The following MTMR6 variants were observed in gnomAD, a reference collection of about 807,000 sequenced individuals.
MTMR6 encodes myotubularin related protein 6.
In MTMR6, 47 loss-of-function variants were observed where a neutral mutation model predicts 80.1. The ratio of observed to expected loss-of-function variants is 0.59; its 90% CI spans 0.46 to 0.75. The LOEUF (loss-of-function observed/expected upper bound fraction) is 0.75. Among genes scored for constraint, MTMR6 ranks in the 30% least tolerant of loss-of-function variants. MTMR6 has a pLI of 0.00. For missense variants in MTMR6, 629 were observed against 730.9 expected (o/e 0.86, Z 1.61); for synonymous variants, 254 against 253.0 (o/e 1.00, Z -0.04).
Position 25,246,590 on chromosome 13 carries a change from C to G in MTMR6, c.*2642G>C, listed in dbSNP as rs1956983844. 1.3e-5 allele frequency: 2 copies of G among 152,514 alleles called. No individual in the cohort carries two copies. Among genetic ancestry groups the G allele is most frequent in the African/African-American group, 4.8e-5 (2 of 41,392 alleles). The allele number at this position is 152,514 out of a possible 1,614,324, so 9.4% of individuals were successfully genotyped here. A position where few individuals can be genotyped will look rare whatever the true frequency, so the allele number is the denominator to read the frequency against. On this transcript the variant is annotated 3_prime_UTR_variant, in exon 14 of 14. Transcript: ENST00000381801. ...GTCATCACTTTCAATGGCAAAAGCC[C>G]CAATTACTTTTGCAGCAACTATATA...
intron 1 of MTMR6, 43 bp from the exon 2 acceptor site, chr13:25,274,230 TA>T: frequency 7.4e-7 from 1 of 1,356,824 alleles, no homozygotes; most frequent in Non-Finnish European, 1.0e-6. Context: ...AAAAGTAGTA[TA>T]AATTATTTTT....
chr13:25,280,488 T>C (rs1425705965), intron 1 of MTMR6, among the ~76,000 whole-genome samples: 1 of 152,244 alleles, frequency 6.6e-6, no homozygotes, highest in Non-Finnish European at 1.5e-5. Context: ...TCAAATGTTT[T>C]TCTTTGCTAA....
At chr13:25,277,046 C>T (rs56331645) in intron 1 of MTMR6, among the ~76,000 whole-genome samples, 5,241 of 152,268 alleles carry the variant, frequency 0.034, 316 homozygotes, top group African/African-American at 0.12. Flanking sequence ...ACTGCCTCCA[C>T]TTAGATGTGT....
intron 1 of MTMR6, among the ~76,000 whole-genome samples, chr13:25,286,734 G>A (rs780910417): frequency 5.3e-5 from 8 of 152,206 alleles, no homozygotes; most frequent in Non-Finnish European, 1.0e-4. Context: ...GACCGAGACA[G>A]CAAAGGGAGG....
chr13:25,252,467 T>C (rs1211023634), intron 11 of MTMR6, among the ~76,000 whole-genome samples: 2 of 152,236 alleles, frequency 1.3e-5, no homozygotes, highest in East Asian at 3.8e-4. Context: ...GCAAGAATTT[T>C]AAAAGCCAAT....
intron 5 of MTMR6, among the ~76,000 whole-genome samples, chr13:25,263,464 A>G (rs777248750): frequency 6.6e-6 from 1 of 152,216 alleles, no homozygotes; most frequent in Admixed American, 6.5e-5. Context: ...AGCATTAAGT[A>G]AAGTCTACAT....
At chr13:25,285,629 G>C (rs200973813) in intron 1 of MTMR6, among the ~76,000 whole-genome samples, 5 of 151,626 alleles carry the variant, frequency 3.3e-5, no homozygotes, top group African/African-American at 1.2e-4. Context: ...CCACTTCCCC[G>C]GTTGAAGCAA....
At chr13:25,258,204 AT>A (rs912306962) in intron 7 of MTMR6, among the ~76,000 whole-genome samples, 2 of 151,812 alleles carry the variant, frequency 1.3e-5, no homozygotes, top group African/African-American at 2.4e-5. Context: ...ATCTAATAAC[AT>A]TTTTTTTGCA....
intron 1 of MTMR6, among the ~76,000 whole-genome samples, chr13:25,277,839 CT>C (rs1019968649): frequency 2.0e-5 from 3 of 152,142 alleles, no homozygotes; most frequent in African/African-American, 7.2e-5. Flanking sequence ...TTCTTTCTGG[CT>C]GGGTCTCTTA....
chr13:25,251,969 A>T lies in MTMR6; in HGVS notation c.1362T>A (p.Thr454=). The T allele has an allele frequency of 2.5e-6, 4 of 1,611,682 alleles. No homozygotes were observed. Among genetic ancestry groups the T allele is most frequent in the Non-Finnish European group, 3.4e-6 (4 of 1,179,040 alleles). The change falls in exon 12 of 14, where the codon ACT becomes ACA. Residue 454 remains threonine, a synonymous_variant. Coordinates refer to ENST00000381801, the MANE Select transcript of MTMR6 (RefSeq NM_004685.5). The surrounding 1 kb of genome is among the most constrained non-coding windows in gnomAD (Gnocchi z 4.1). The part of the protein sequence containing the change: ...EREELKLKEK[T]YSLWPFLLED... ...CCAAAAGAAATGGCCACAGGGAATA[A>T]GTCTTCTCCTTCAACCTTAATATAA...
At chr13:25,253,220 C>T (rs1957126874) in intron 11 of MTMR6, among the ~76,000 whole-genome samples, 1 of 152,166 alleles carries the variant, frequency 6.6e-6, no homozygotes, top group African/African-American at 2.4e-5. Context: ...GGACACGCTG[C>T]AGCCAACATA....
rs755489654 is a variant in MTMR6, at chr13:25,261,654, T to A, written c.726+14A>T. 8.7e-6 allele frequency: 14 copies of A among 1,603,492 alleles called. No individual in the cohort carries two copies. The highest frequency in any genetic ancestry group is 1.7e-5 in the Admixed American group (1 of 58,566). ...AATTAAACTAGCAGACTGTACTGTA[T>A]TTAAAATACATACTTTTGGCCTGGT... is the stretch of plus-strand genomic sequence containing the variant. On this transcript the variant is annotated intron_variant, in intron 6 of 13. Coordinates refer to ENST00000381801, the MANE Select transcript of MTMR6 (RefSeq NM_004685.5).
At chr13:25,280,383 A>G (rs539951915) in intron 1 of MTMR6, among the ~76,000 whole-genome samples, 9 of 152,348 alleles carry the variant, frequency 5.9e-5, no homozygotes, top group Admixed American at 5.9e-4. Context: ...TATTTACACT[A>G]AAGTTCTCAA....
In MTMR6 at chr13:25,253,849, A is replaced by C. The variant is rs1957137076; in HGVS notation, c.1261T>G (p.Phe421Val). The C allele has an allele frequency of 1.2e-6, 2 of 1,614,144 alleles. No individual in the cohort carries two copies. The highest frequency in any genetic ancestry group is 1.7e-6 in the Non-Finnish European group (2 of 1,180,008). The part of the protein sequence containing the change: ...FPQAFEFSEA[F>V]LLQIHEHIHS... Reference sequence around the variant, plus strand: ...ATATGCTCATGGATCTGAAGAAGAAATGCTTCACTGAATTCAAAGGCTTGT... The same window carrying C: ...ATATGCTCATGGATCTGAAGAAGAACTGCTTCACTGAATTCAAAGGCTTGT... Residue 421 changes from phenylalanine to valine, a missense_variant, in exon 11 of 14, where the codon TTT becomes GTT. Transcript: ENST00000381801.
Position 25,253,806 on chromosome 13 carries a change from C to G in MTMR6, c.1304G>C (p.Gly435Ala). The G allele has an allele frequency of 6.2e-7, 1 of 1,614,068 alleles. No individual in the cohort carries two copies. Among genetic ancestry groups the G allele is most frequent in the South Asian group, 1.1e-5 (1 of 91,080 alleles). The change falls in exon 11 of 14, where the codon GGA (glycine) becomes GCA (alanine). Residue 435 changes from glycine to alanine, a missense_variant. Transcript: ENST00000381801. ...CTTCTGACAATTTCCAAGGAAGTTTCCAAACTGGCATGAATGAATATGCTC... is the reference window on the plus strand; with the variant it reads ...CTTCTGACAATTTCCAAGGAAGTTTGCAAACTGGCATGAATGAATATGCTC... ...IHEHIHSCQF[G>A]NFLGNCQKER...
At chr13:25,260,651 T>C in intron 6 of MTMR6, 4 of 1,287,642 alleles carry the variant, frequency 3.1e-6, no homozygotes, top group Non-Finnish European at 4.0e-6. Context: ...ATTCTGCCAA[T>C]GTCCTTTTGT....
intron 1 of MTMR6, among the ~76,000 whole-genome samples, chr13:25,278,443 T>C (rs1313959013): frequency 2.0e-5 from 3 of 151,656 alleles, no homozygotes; most frequent in Admixed American, 6.6e-5. Flanking sequence ...CATATAAAAA[T>C]TAGCAGCCGG....
chr13:25,268,269 T>C (rs1204875732), intron 2 of MTMR6, among the ~76,000 whole-genome samples: 2 of 152,190 alleles, frequency 1.3e-5, no homozygotes, highest in African/African-American at 4.8e-5. Context: ...TGAACTACTA[T>C]AAACAAACAG....
intron 2 of MTMR6, among the ~76,000 whole-genome samples, chr13:25,269,187 C>A (rs778358220): frequency 6.6e-6 from 1 of 152,126 alleles, no homozygotes; most frequent in Non-Finnish European, 1.5e-5. Context: ...ACATCTCCAG[C>A]ACCTAACACA....
Sources: gnomAD v4.1 joint callset for allele counts (sites outside exome capture counted in the v4.1 genomes callset) on GRCh38, gnomAD v4.1.1 for gene constraint, Gnocchi (gnomAD v3.1) non-coding constraint, MANE v1.5 for transcripts, NCBI Gene and HGNC (gene_info 2026-07-23, HGNC 2026-07-21) for gene names.